The following EXOC4 variants were observed in gnomAD, a reference collection of about 807,000 sequenced individuals.
The protein encoded by EXOC4 is SEC8-like 1.
A neutral mutation model predicts 107.2 loss-of-function variants in EXOC4; 71 were observed. That is an observed-to-expected ratio of 0.66 (90% CI 0.55 to 0.81). The LOEUF is 0.81. EXOC4 is among the 30% of genes least tolerant of loss of function. EXOC4 has a pLI of 0.00. For synonymous variants in EXOC4, 456 were observed against 441.2 expected (o/e 1.03, Z -0.42); for missense variants, 1,108 against 1,189.6 (o/e 0.93, Z 1.01).
chr7:133,830,841 T>G (rs1797793993), intron 11 of EXOC4, among the ~76,000 whole-genome samples: 1 of 152,212 alleles, frequency 6.6e-6, no homozygotes, highest in Non-Finnish European at 1.5e-5. Context: ...GTGTATTTTT[T>G]AAACTTAATG....
intron 10 of EXOC4, among the ~76,000 whole-genome samples, chr7:133,750,356 A>C: frequency 6.6e-6 from 1 of 152,156 alleles, no homozygotes; most frequent in East Asian, 1.9e-4. Flanking sequence ...ATTGAACTCC[A>C]TTTCCTTAAT....
intron 7 of EXOC4, among the ~76,000 whole-genome samples, chr7:133,446,213 A>G (rs900992660): frequency 1.6e-4 from 25 of 152,144 alleles, no homozygotes; most frequent in African/African-American, 6.0e-4. Context: ...ACATGAGACC[A>G]GTGAAGCTGG....
At chr7:133,787,285 G>A (rs150639738) in intron 10 of EXOC4, among the ~76,000 whole-genome samples, 1,869 of 148,742 alleles carry the variant, frequency 0.013, 13 homozygotes, top group Non-Finnish European at 0.02. Context: ...TCCCACCTCA[G>A]CCTCCCAAGT....
intron 9 of EXOC4, among the ~76,000 whole-genome samples, chr7:133,522,991 G>C (rs377323599): frequency 7.1e-4 from 108 of 152,254 alleles, no homozygotes; most frequent in African/African-American, 2.5e-3. Flanking sequence ...TTGACTGCTG[G>C]CATTTAACTC....
At chr7:133,354,750 A>G (rs1016793423) in intron 5 of EXOC4, among the ~76,000 whole-genome samples, 5 of 152,034 alleles carry the variant, frequency 3.3e-5, no homozygotes, top group African/African-American at 1.2e-4. Flanking sequence ...TGTGCAAGGT[A>G]CTCCAGGAAC....
chr7:133,899,265 T>C (rs894741799), intron 12 of EXOC4, among the ~76,000 whole-genome samples: 2 of 152,210 alleles, frequency 1.3e-5, no homozygotes, highest in Non-Finnish European at 2.9e-5. Context: ...ATCCCACTGA[T>C]AGCCGTTTAT....
chr7:133,783,314 G>T (rs1033012607), intron 10 of EXOC4, among the ~76,000 whole-genome samples: 1 of 152,122 alleles, frequency 6.6e-6, no homozygotes, highest in Non-Finnish European at 1.5e-5. Flanking sequence ...GCTGTAGTTG[G>T]ACATGTCCTG....
intron 11 of EXOC4, among the ~76,000 whole-genome samples, chr7:133,822,165 G>A (rs930555848): frequency 3.3e-5 from 5 of 152,196 alleles, no homozygotes; most frequent in Admixed American, 3.3e-4. Context: ...TACCTGAAGA[G>A]AAATTATTCA....
chr7:134,089,542 T>A, the EXOC4 span, among the ~76,000 whole-genome samples: 1 of 152,178 alleles, frequency 6.6e-6, no homozygotes, highest in East Asian at 1.9e-4. Context: ...TCCCAAGCCT[T>A]ACCTAGCTGT....
intron 11 of EXOC4, among the ~76,000 whole-genome samples, chr7:133,837,250 C>G (rs1188139177): frequency 6.6e-6 from 1 of 152,146 alleles, no homozygotes; most frequent in Admixed American, 6.6e-5. Context: ...AGGGTTCATC[C>G]TGGTGATCTC....
At chr7:133,696,737 C>T (rs191354824) in intron 10 of EXOC4, among the ~76,000 whole-genome samples, 144 of 152,272 alleles carry the variant, frequency 9.5e-4, no homozygotes, top group Admixed American at 3.5e-3. Flanking sequence ...CCACTTTCCT[C>T]TTTACTATGT....
At chr7:133,420,133 A>C (rs1219401443) in intron 7 of EXOC4, among the ~76,000 whole-genome samples, 10 of 75,264 alleles carry the variant, frequency 1.3e-4, no homozygotes, top group South Asian at 5.2e-4. Flanking sequence ...CCCCCACCCC[A>C]CCACAGTCCC....
intron 11 of EXOC4, among the ~76,000 whole-genome samples, chr7:133,884,475 C>G (rs1415407570): frequency 6.6e-6 from 1 of 152,170 alleles, no homozygotes; most frequent in Admixed American, 6.5e-5. Flanking sequence ...AGGTTAGCCA[C>G]TCCCAAATTA....
At position 133,853,214 on chromosome 7, in the gene EXOC4, G is replaced by A. The variant is rs549234907; in HGVS notation, c.1734+35670G>A. Among the ~76,000 whole-genome samples the A allele has an allele frequency of 9.9e-5, 15 of 152,098 alleles. No homozygotes were observed. In the South Asian group the frequency reaches 3.1e-3, roughly 32 times the overall value. ...GTAACTATGTGCTTATTCACTAGAT[G>A]GAATACCTGCTTCATGTAGTTGGCT... On this transcript the variant is annotated intron_variant, in intron 11 of 17. Transcript: ENST00000253861.
chr7:133,264,625 T>TA (rs541907198), intron 1 of EXOC4, among the ~76,000 whole-genome samples: 1 of 152,296 alleles, frequency 6.6e-6, no homozygotes, highest in South Asian at 2.1e-4. Context: ...TATATAGTGA[T>TA]ACACATCTTG....
At chr7:133,279,761 C>T (rs1794088375) in intron 2 of EXOC4, among the ~76,000 whole-genome samples, 1 of 152,166 alleles carries the variant, frequency 6.6e-6, no homozygotes, top group South Asian at 2.1e-4. Context: ...TCAAGTGATC[C>T]TCCTGCCTTG....
intron 14 of EXOC4, among the ~76,000 whole-genome samples, chr7:133,945,769 T>C (rs966991995): frequency 2.0e-5 from 3 of 152,214 alleles, no homozygotes; most frequent in African/African-American, 7.2e-5. Context: ...GACTTAATAT[T>C]TTCTATGAGA....
intron 13 of EXOC4, among the ~76,000 whole-genome samples, chr7:133,934,042 GTTTAT>G (rs1463208329): frequency 1.3e-5 from 2 of 152,056 alleles, no homozygotes; most frequent in African/African-American, 4.8e-5. Context: ...AGTTGTATAA[GTTTAT>G]TTTACACAAC....
intron 17 of EXOC4, among the ~76,000 whole-genome samples, chr7:134,027,831 A>C (rs577035282): frequency 8.3e-4 from 127 of 152,170 alleles, no homozygotes; most frequent in African/African-American, 3.0e-3. Flanking sequence ...ATTGAGTAGG[A>C]CCTTAGAGAT....
Sources: allele counts gnomAD v4.1 joint callset (sites outside exome capture counted in the v4.1 genomes callset), GRCh38; gene constraint gnomAD v4.1.1; transcripts MANE v1.5; gene names NCBI Gene and HGNC (gene_info 2026-07-23, HGNC 2026-07-21).